SPECC1: variants seen among roughly 807,000 people sequenced by gnomAD.
The protein encoded by SPECC1 is cytospin-B.
Under a neutral mutation model 104.1 loss-of-function variants are expected in SPECC1, and 62 were observed. That is an observed-to-expected ratio of 0.60 (90% confidence interval 0.49 to 0.74). SPECC1 has a LOEUF of 0.74. Ranked by LOEUF, SPECC1 falls within the 30% of genes least tolerant of loss-of-function variation. SPECC1 has a pLI of 0.00. For synonymous variants in SPECC1, 513 were observed against 501.6 expected, an observed-to-expected ratio of 1.02 and a Z score of -0.30; for missense variants, 1,306 against 1,310.5, an observed-to-expected ratio of 1.00 and a Z score of 0.05.
chr17:20,036,685 C>T (rs1171706594), intron 1 of SPECC1, among the ~76,000 whole-genome samples: 8 of 152,130 alleles, frequency 5.3e-5, no homozygotes, highest in African/African-American at 1.9e-4. Context: ...CTTTGACCAG[C>T]GTGTCTCCAC....
At chr17:20,108,016 G>C (rs1011290156) in intron 2 of SPECC1, among the ~76,000 whole-genome samples, 1 of 152,074 alleles carries the variant, frequency 6.6e-6, no homozygotes, top group African/African-American at 2.4e-5. Context: ...AAAACAAAAA[G>C]ACTTCTACCG....
chr17:20,257,556 C>G lies in SPECC1; in HGVS notation c.2786C>G (p.Thr929Arg), dbSNP rs201897729. The G allele has an allele frequency of 3.7e-6, 6 of 1,613,526 alleles. No homozygotes were observed. Among genetic ancestry groups the G allele is most frequent in the Non-Finnish European group, 5.1e-6 (6 of 1,179,880 alleles). The change falls in exon 11 of 15, where the codon ACA (threonine) becomes AGA (arginine). Residue 929 changes from threonine to arginine, a missense_variant. Transcript: ENST00000395527. ...SRPPSLGFGD[T>R]RLLSASTRAW... ...CCCCCGTCTCTGGGCTTTGGGGACA[C>G]AAGACTGCTGAGTGCTTCCACCCGG...
At chr17:20,212,036 T>C (rs2037187758) in intron 4 of SPECC1, among the ~76,000 whole-genome samples, 1 of 152,226 alleles carries the variant, frequency 6.6e-6, no homozygotes, top group Admixed American at 6.5e-5. Flanking sequence ...GTACAGCCAC[T>C]GCTTCTGAAG....
Position 20,316,139 on chromosome 17 carries a change from T to A in SPECC1, c.*2074T>A, listed in dbSNP as rs150629681. The A allele has an allele frequency of 5.6e-5, 13 of 231,902 alleles. No individual in the cohort carries two copies. The highest frequency in any genetic ancestry group is 8.5e-5 in the Non-Finnish European group (10 of 117,188). The allele number at this position is 231,902 out of a possible 1,614,324, so 14.4% of individuals were successfully genotyped here. ...CCAATTCAACCTGAAAGTTACTACTTCTGCTGATTCAGGCACTTGTTTGAA... is the reference window on the plus strand; with the variant it reads ...CCAATTCAACCTGAAAGTTACTACTACTGCTGATTCAGGCACTTGTTTGAA... On this transcript the variant is annotated 3_prime_UTR_variant, in exon 15 of 15. Transcript: ENST00000395527.
In SPECC1 at chr17:20,260,211, C is replaced by G. The variant is rs776916403; in HGVS notation, c.2857C>G (p.Leu953Val). ...AACCAGTGTGGAAAGAAAAGACCCT[C>G]TGGCAGCCTTGGCCCGGGAATACGG... ...SKLSVERKDPLAALAREYGGS... is the reference protein window; with the variant it reads ...SKLSVERKDPVAALAREYGGS... The change falls in exon 12 of 15, where the codon CTG (leucine) becomes GTG (valine). Residue 953 changes from leucine (L) to valine (V), a missense_variant. This residue lies in a region of SPECC1 where 129 missense variants were observed against 170.6 expected (regional missense o/e 0.76). Coordinates refer to ENST00000395527, the MANE Select transcript of SPECC1 (RefSeq NM_001243439.2). 1 of 1,613,914 alleles carries G rather than the reference C, an allele frequency of 6.2e-7. No individual in the cohort carries two copies. Among genetic ancestry groups the G allele is most frequent in the African/African-American group, 1.3e-5 (1 of 75,050 alleles).
Position 20,314,078 on chromosome 17 carries a change from TG to T in SPECC1, c.*17del. 1.2e-6 allele frequency: 2 copies of T among 1,611,736 alleles called. No individual in the cohort carries two copies. Among genetic ancestry groups the T allele is most frequent in the South Asian group, 1.1e-5 (1 of 90,748 alleles). ...CTTTGAGACGTAACCCTGGAGGGCC[TG>T]GGGCAGCCACCATTGCCACCTACTG... is the stretch of plus-strand genomic sequence containing the variant. On this transcript the variant is annotated 3_prime_UTR_variant, in exon 15 of 15. Coordinates refer to ENST00000395527, the MANE Select transcript of SPECC1 (RefSeq NM_001243439.2).
rs2045115042 is a variant in SPECC1 at position 20,037,021 on chromosome 17, G to A, written c.-22+27597G>A. 2.0e-5 allele frequency among the ~76,000 whole-genome samples: 3 copies of A among 152,136 alleles called. No individual in the cohort carries two copies. In the South Asian group the frequency reaches 6.2e-4, roughly 32 times the overall value. On this transcript the variant is annotated intron_variant, in intron 1 of 14. Transcript: ENST00000395527. ...TTTTCTTATTAGAGTATCATGAATG[G>A]ATATTGGATTTTGGCAAATGCTTTT...
chr17:20,204,852 G>A lies in SPECC1; in HGVS notation c.803G>A (p.Ser268Asn). 2.5e-6 allele frequency: 4 copies of A among 1,614,058 alleles called. No individual in the cohort carries two copies. Among genetic ancestry groups the A allele is most frequent in the East Asian group, 2.2e-5 (1 of 44,878 alleles). ...TCCCCAAATTCAGAAGGGGCAGCAAGTCACACTGGCGACAGCAGCTGCCCA... is the reference window on the plus strand; with the variant it reads ...TCCCCAAATTCAGAAGGGGCAGCAAATCACACTGGCGACAGCAGCTGCCCA... ...EHSPNSEGAA[S>N]HTGDSSCPTS... Residue 268 changes from serine (S) to asparagine (N), a missense_variant, in exon 4 of 15, where the codon AGT (serine) becomes AAT (asparagine). Physicochemically the swap from Ser to Asn is conservative, Grantham distance 46. Around this residue, in one of 2 missense-constraint regions of SPECC1, gnomAD observed 1,177 missense variants for 1,139.9 expected, o/e 1.03. Transcript: ENST00000395527.
In SPECC1 at chr17:20,317,280, T is replaced by TTTTTTTTTTTTTA. The variant is rs1358654698; in HGVS notation, c.*3215_*3216insTTTTTTTTTTTTA. On this transcript the variant is annotated 3_prime_UTR_variant, in exon 15 of 15. Coordinates refer to ENST00000395527, the MANE Select transcript of SPECC1 (RefSeq NM_001243439.2). ...AAAAATTTTTTTTTTTTTTTTTTTT[T>TTTTTTTTTTTTTA]GAGAGAGCGTCTCACTTCTCTGTCA... 1 of 163,476 alleles carries TTTTTTTTTTTTTA rather than the reference T, an allele frequency of 6.1e-6. No individual in the cohort carries two copies. Among genetic ancestry groups the TTTTTTTTTTTTTA allele is most frequent in the Admixed American group, 6.7e-5 (1 of 14,918 alleles). The allele number at this position is 163,476 out of a possible 1,614,324, so 10.1% of individuals were successfully genotyped here.
chr17:20,269,537 C>T (rs529322742), intron 12 of SPECC1, among the ~76,000 whole-genome samples: 50 of 152,230 alleles, frequency 3.3e-4, no homozygotes, highest in African/African-American at 6.8e-4. Context: ...ATTCTCCTGC[C>T]TCAGTCTCCC....
intron 3 of SPECC1, among the ~76,000 whole-genome samples, chr17:20,119,013 T>C (rs1304494142): frequency 2.6e-5 from 4 of 152,238 alleles, no homozygotes; most frequent in Admixed American, 6.5e-5. Context: ...GGCATTGGCA[T>C]CCTTTATTTG....
At chr17:20,173,756 C>T (rs1344393997) in intron 3 of SPECC1, among the ~76,000 whole-genome samples, 1 of 152,202 alleles carries the variant, frequency 6.6e-6, no homozygotes, top group Non-Finnish European at 1.5e-5. Context: ...GTCCACAGGA[C>T]ACAAATTGGC....
At chr17:20,113,694 G>A (rs1473098096) in intron 3 of SPECC1, among the ~76,000 whole-genome samples, 3 of 152,180 alleles carry the variant, frequency 2.0e-5, no homozygotes, top group Non-Finnish European at 4.4e-5. Flanking sequence ...TCCGGATGGA[G>A]GAAGAACTTA....
intron 12 of SPECC1, among the ~76,000 whole-genome samples, chr17:20,268,182 T>C (rs574612455): frequency 6.6e-6 from 1 of 152,328 alleles, no homozygotes; most frequent in South Asian, 2.1e-4. Context: ...CTTTTGAAAT[T>C]GTATGGCAAG....
intron 3 of SPECC1, among the ~76,000 whole-genome samples, chr17:20,116,060 A>T (rs539862774): frequency 6.6e-6 from 1 of 152,096 alleles, no homozygotes; most frequent in African/African-American, 2.4e-5. Flanking sequence ...AGACTATAAT[A>T]TATCAATAAC....
chr17:20,075,643 T>G (rs1204894186), intron 1 of SPECC1, among the ~76,000 whole-genome samples: 4 of 151,948 alleles, frequency 2.6e-5, no homozygotes, highest in Non-Finnish European at 5.9e-5. Context: ...TCTCCAAAAT[T>G]TTGTAAAAAA....
chr17:20,120,967 G>A (rs914445800), intron 3 of SPECC1, among the ~76,000 whole-genome samples: 3 of 152,148 alleles, frequency 2.0e-5, no homozygotes, highest in Non-Finnish European at 2.9e-5. Flanking sequence ...GCTTGAATGG[G>A]GAGGCATGAG....
At chr17:20,299,929 G>C (rs1463468602) in intron 13 of SPECC1, among the ~76,000 whole-genome samples, 1 of 152,222 alleles carries the variant, frequency 6.6e-6, no homozygotes, top group African/African-American at 2.4e-5. Flanking sequence ...TCTAATGCAG[G>C]TTCCTGGGAT....
intron 1 of SPECC1, among the ~76,000 whole-genome samples, chr17:20,016,908 G>A (rs1228865923): frequency 6.6e-6 from 1 of 152,246 alleles, no homozygotes; most frequent in Non-Finnish European, 1.5e-5. Flanking sequence ...GGGGACTTGA[G>A]AACCTTTATG....
Sources: gnomAD v4.1 joint callset for allele counts (sites outside exome capture counted in the v4.1 genomes callset) on GRCh38, gnomAD v4.1.1 for gene constraint, gnomAD v4.1.1 regional missense constraint, MANE v1.5 for transcripts, NCBI Gene and HGNC (gene_info 2026-07-23, HGNC 2026-07-21) for gene names.